ZDHHC14: variants seen among roughly 807,000 people sequenced by gnomAD.
The protein encoded by ZDHHC14 is zDHHC palmitoyltransferase 14.
A neutral mutation model predicts 47.7 loss-of-function variants in ZDHHC14; 16 were observed. That is an observed-to-expected ratio of 0.34 (90% CI 0.23 to 0.51). The LOEUF is 0.51. Ranked by LOEUF, ZDHHC14 falls within the 20% of genes least tolerant of loss-of-function variation. ZDHHC14 has a pLI of 0.97. For synonymous variants in ZDHHC14, 293 were observed against 278.9 expected (o/e 1.05, Z -0.50); for missense variants, 515 against 662.5 (o/e 0.78, Z 2.44).
intron 2 of ZDHHC14, among the ~76,000 whole-genome samples, chr6:157,552,078 A>T (rs1242380036): frequency 6.6e-6 from 1 of 152,182 alleles, no homozygotes; most frequent in East Asian, 1.9e-4. Context: ...AGAAGAAATG[A>T]CGTCTTCTGT....
intron 1 of ZDHHC14, among the ~76,000 whole-genome samples, chr6:157,527,831 A>C (rs1281433351): frequency 1.3e-5 from 2 of 152,234 alleles, no homozygotes; most frequent in Non-Finnish European, 2.9e-5. Flanking sequence ...CTGAATGTTG[A>C]AGCCAACTGG....
chr6:157,663,922 G>A (rs551714657), intron 8 of ZDHHC14, among the ~76,000 whole-genome samples: 13 of 152,308 alleles, frequency 8.5e-5, no homozygotes, highest in Middle Eastern at 3.4e-3. Flanking sequence ...TAACAAAACC[G>A]GAGGAGGGAG....
chr6:157,402,949 G>C (rs541594061), intron 1 of ZDHHC14, among the ~76,000 whole-genome samples: 1 of 152,194 alleles, frequency 6.6e-6, no homozygotes, highest in Non-Finnish European at 1.5e-5. Context: ...TGGCCAGGCT[G>C]GTCTCGAACT....
At chr6:157,435,249 G>A (rs1426739143) in intron 1 of ZDHHC14, among the ~76,000 whole-genome samples, 2 of 152,344 alleles carry the variant, frequency 1.3e-5, no homozygotes, top group Non-Finnish European at 2.9e-5. Context: ...GCTGCCCTGG[G>A]GCAGGTTGCC....
At chr6:157,520,876 G>A (rs1780886979) in intron 1 of ZDHHC14, among the ~76,000 whole-genome samples, 1 of 152,288 alleles carries the variant, frequency 6.6e-6, no homozygotes, top group South Asian at 2.1e-4. Flanking sequence ...CCTCAGTTTA[G>A]CAGAGGGGAC....
Position 157,381,627 on chromosome 6 carries a change from C to A in ZDHHC14, c.-395C>A. 2 of 276,122 alleles carry A rather than the reference C, an allele frequency of 7.2e-6. No individual in the cohort carries two copies. Among genetic ancestry groups the A allele is most frequent in the South Asian group, 2.9e-5 (1 of 35,056 alleles). 17.1% of individuals were successfully genotyped at this position (276,122 alleles called of 1,614,324 possible). A position where few individuals can be genotyped will look rare whatever the true frequency, so the allele number is the denominator to read the frequency against. The stretch of plus-strand genomic sequence containing the variant: ...CCCTCGGGGCGCAGTGCTCGGGGGT[C>A]GGCGGGCCAGAGCCGAGGCGCGGCC... On this transcript the variant is annotated 5_prime_UTR_variant, in exon 1 of 9. Coordinates refer to ENST00000359775, the MANE Select transcript of ZDHHC14 (RefSeq NM_024630.3).
chr6:157,651,558 G>T (rs1460208289), intron 7 of ZDHHC14, among the ~76,000 whole-genome samples: 2 of 116,454 alleles, frequency 1.7e-5, no homozygotes, highest in African/African-American at 6.9e-5. Flanking sequence ...AACCCGTGAC[G>T]TTCCCTCAAG....
chr6:157,532,737 C>T (rs1751846424), intron 1 of ZDHHC14, among the ~76,000 whole-genome samples: 1 of 152,080 alleles, frequency 6.6e-6, no homozygotes, highest in Admixed American at 6.5e-5. Context: ...CTCCATACCC[C>T]AAAACAATTA....
chr6:157,487,598 G>C (rs1455270840), intron 1 of ZDHHC14, among the ~76,000 whole-genome samples: 1 of 152,216 alleles, frequency 6.6e-6, no homozygotes, highest in African/African-American at 2.4e-5. Context: ...TACAGTCTGT[G>C]CATGGCGGAA....
At chr6:157,573,635 C>T (rs1724663259) in intron 2 of ZDHHC14, among the ~76,000 whole-genome samples, 1 of 152,220 alleles carries the variant, frequency 6.6e-6, no homozygotes, top group South Asian at 2.1e-4. Context: ...ATTATTCCAG[C>T]TTTGGTCTCT....
chr6:157,517,031 G>C (rs1017950761), intron 1 of ZDHHC14, among the ~76,000 whole-genome samples: 1 of 152,146 alleles, frequency 6.6e-6, no homozygotes, highest in Non-Finnish European at 1.5e-5. Context: ...GGAGCATAAA[G>C]GGGCTGTTTT....
intron 3 of ZDHHC14, among the ~76,000 whole-genome samples, chr6:157,615,970 G>A (rs1014674298): frequency 6.6e-6 from 1 of 152,248 alleles, no homozygotes; most frequent in Non-Finnish European, 1.5e-5. Context: ...AAGGAGCTCA[G>A]CTTGGAAACC....
At chr6:157,641,107 C>T (rs145533595) in intron 5 of ZDHHC14, among the ~76,000 whole-genome samples, 187 of 152,176 alleles carry the variant, frequency 1.2e-3, no homozygotes, top group African/African-American at 4.4e-3. Context: ...TTAACTATTT[C>T]GTAGAATTCC....
At chr6:157,589,273 A>G (rs1436473728) in intron 2 of ZDHHC14, among the ~76,000 whole-genome samples, 1 of 152,184 alleles carries the variant, frequency 6.6e-6, no homozygotes, top group Non-Finnish European at 1.5e-5. Context: ...ATCCACCCCC[A>G]TGATCCAGTA....
At chr6:157,535,183 C>G (rs1431745691) in intron 1 of ZDHHC14, among the ~76,000 whole-genome samples, 1 of 152,190 alleles carries the variant, frequency 6.6e-6, no homozygotes, top group African/African-American at 2.4e-5. Context: ...CTCCCCTCCT[C>G]CGCTCTCTGT....
chr6:157,458,849 A>ATTTTTTTTTTTTTTTTTTTTTTGT (rs1778994656), intron 1 of ZDHHC14, among the ~76,000 whole-genome samples: 1 of 81,226 alleles, frequency 1.2e-5, no homozygotes, highest in Admixed American at 1.7e-4. Context: ...ATGTGGGTGG[A>ATTTTTTTTTTTTTTTTTTTTTTGT]TTTTTTTTTT....
chr6:157,445,105 T>C (rs1252671816), intron 1 of ZDHHC14, among the ~76,000 whole-genome samples: 1 of 131,666 alleles, frequency 7.6e-6, no homozygotes. Context: ...TGCCAGATAT[T>C]ACACACACAC....
chr6:157,463,465 G>T lies in ZDHHC14; in HGVS notation c.246-79120G>T, dbSNP rs1187974345. Among the ~76,000 whole-genome samples, 2 of 152,056 alleles carry T rather than the reference G, an allele frequency of 1.3e-5. No individual in the cohort carries two copies. Among genetic ancestry groups the T allele is most frequent in the Non-Finnish European group, 2.9e-5 (2 of 68,018 alleles). ...TGTGTAGCCCTGCCCCTATACATTT[G>T]TATATCCATAGCAGTGCTGTGCTCT... On this transcript the variant is annotated intron_variant, in intron 1 of 8. Transcript: ENST00000359775. The surrounding 1 kb of genome is among the most constrained non-coding windows in gnomAD (Gnocchi z 4.4).
chr6:157,496,554 G>A (rs572454721), intron 1 of ZDHHC14, among the ~76,000 whole-genome samples: 1 of 152,242 alleles, frequency 6.6e-6, no homozygotes, highest in South Asian at 2.1e-4. Flanking sequence ...TATCAAAAGG[G>A]GACATTTGGA....
Sources: gnomAD v4.1 joint callset for allele counts (sites outside exome capture counted in the v4.1 genomes callset) on GRCh38, gnomAD v4.1.1 for gene constraint, Gnocchi (gnomAD v3.1) non-coding constraint, MANE v1.5 for transcripts, NCBI Gene and HGNC (gene_info 2026-07-23, HGNC 2026-07-21) for gene names.